The following PCDH15 variants were observed in gnomAD, a reference collection of about 807,000 sequenced individuals.
The protein encoded by PCDH15 is protocadherin related 15.
A neutral mutation model predicts 178.5 loss-of-function variants in PCDH15; 129 were observed. The observed-to-expected ratio is 0.72, with a 90% CI of 0.63 to 0.84. The LOEUF is 0.84. Among genes scored for constraint, PCDH15 ranks in the 40% least tolerant of loss-of-function variants. PCDH15 has a pLI of 0.00. For missense variants in PCDH15, 2,230 were observed against 2,099.9 expected, an observed-to-expected ratio of 1.06 and a Z score of -1.21; for synonymous variants, 800 against 732.0, an observed-to-expected ratio of 1.09 and a Z score of -1.50.
intron 10 of PCDH15, among the ~76,000 whole-genome samples, chr10:54,212,961 C>T (rs2134097369): frequency 6.6e-6 from 1 of 152,216 alleles, no homozygotes; most frequent in East Asian, 1.9e-4. Context: ...AAAATTGCGG[C>T]AACAGTTCAA....
At chr10:54,204,108 T>C (rs1415731758) in intron 10 of PCDH15, among the ~76,000 whole-genome samples, 1 of 152,196 alleles carries the variant, frequency 6.6e-6, no homozygotes, top group African/African-American at 2.4e-5. Context: ...CATTTGGACA[T>C]GTTTGTCTTG....
chr10:54,400,482 T>C (rs1951793339), intron 3 of PCDH15, among the ~76,000 whole-genome samples: 1 of 152,148 alleles, frequency 6.6e-6, no homozygotes, highest in Admixed American at 6.6e-5. Flanking sequence ...GTTTCCATCA[T>C]GATACTATGT....
At chr10:55,180,375 A>C (rs1839610647) in intron 1 of PCDH15, among the ~76,000 whole-genome samples, 1 of 152,122 alleles carries the variant, frequency 6.6e-6, no homozygotes, top group African/African-American at 2.4e-5. Flanking sequence ...GGAAAGTTTT[A>C]ATTTTATTGC....
At chr10:55,342,041 C>CA (rs1259163602) in intron 2 of PCDH15, among the ~76,000 whole-genome samples, 46 of 150,202 alleles carry the variant, frequency 3.1e-4, no homozygotes, top group African/African-American at 1.0e-3. Flanking sequence ...TCAGCCAGGT[C>CA]AAAAAATTAA....
chr10:54,673,492 G>A (rs1282146029), intron 1 of PCDH15, among the ~76,000 whole-genome samples: 1 of 152,154 alleles, frequency 6.6e-6, no homozygotes, highest in Non-Finnish European at 1.5e-5. Context: ...AGGCTGGAGT[G>A]CAATGGCATG....
chr10:54,616,363 G>C (rs1292355129), intron 2 of PCDH15, among the ~76,000 whole-genome samples: 1 of 152,062 alleles, frequency 6.6e-6, no homozygotes, highest in Admixed American at 6.6e-5. Flanking sequence ...TTCCTAATCA[G>C]ATGAGGAACT....
chr10:55,202,877 A>G (rs1342547824), intron 1 of PCDH15, among the ~76,000 whole-genome samples: 3 of 152,084 alleles, frequency 2.0e-5, no homozygotes, highest in African/African-American at 7.3e-5. Context: ...TTCCACTTCC[A>G]CCATAATTGT....
intron 8 of PCDH15, among the ~76,000 whole-genome samples, chr10:54,243,812 T>C (rs899298069): frequency 2.6e-5 from 4 of 152,224 alleles, no homozygotes; most frequent in African/African-American, 9.6e-5. Flanking sequence ...ATGTTTTTCC[T>C]GGTGAGATTA....
intron 20 of PCDH15, among the ~76,000 whole-genome samples, chr10:54,002,981 C>T (rs1295198799): frequency 6.6e-6 from 1 of 152,132 alleles, no homozygotes; most frequent in Non-Finnish European, 1.5e-5. Context: ...CTCTCCTGGT[C>T]TGTGGACTCT....
At chr10:55,158,251 C>T (rs1242021001) in intron 2 of PCDH15, among the ~76,000 whole-genome samples, 1 of 151,862 alleles carries the variant, frequency 6.6e-6, no homozygotes, top group Non-Finnish European at 1.5e-5. Context: ...ATGTTATATG[C>T]AGCTAGTGGT....
intron 15 of PCDH15, among the ~76,000 whole-genome samples, chr10:54,129,156 T>C (rs1301230483): frequency 6.6e-6 from 1 of 152,186 alleles, no homozygotes; most frequent in Non-Finnish European, 1.5e-5. Context: ...GTCAGGTTAA[T>C]GACCAAGTGA....
At chr10:54,773,139 G>A (rs1468497253) in intron 1 of PCDH15, among the ~76,000 whole-genome samples, 2 of 152,070 alleles carry the variant, frequency 1.3e-5, no homozygotes, top group Non-Finnish European at 2.9e-5. Context: ...AATAGCTAAT[G>A]GATGCTAGGC....
intron 1 of PCDH15, among the ~76,000 whole-genome samples, chr10:54,799,136 T>C (rs184601270): frequency 2.0e-5 from 3 of 152,130 alleles, no homozygotes; most frequent in African/African-American, 7.2e-5. Context: ...ATAATTATAG[T>C]GATTTCCTTT....
intron 8 of PCDH15, among the ~76,000 whole-genome samples, chr10:54,276,315 C>T (rs967910896): frequency 5.9e-5 from 9 of 151,506 alleles, no homozygotes; most frequent in African/African-American, 1.9e-4. Context: ...ACACACAACC[C>T]TATAGAAAAA....
chr10:55,168,044 T>C (rs1474610433), intron 1 of PCDH15, among the ~76,000 whole-genome samples: 4 of 152,184 alleles, frequency 2.6e-5, no homozygotes, highest in Non-Finnish European at 5.9e-5. Context: ...TTAATGTATA[T>C]CTATCTTAAA....
At chr10:54,332,297 C>CTATATT (rs1564989104) in intron 6 of PCDH15, among the ~76,000 whole-genome samples, 1 of 42,520 alleles carries the variant, frequency 2.4e-5, no homozygotes, top group African/African-American at 8.9e-5. Context: ...ATCTATATTA[C>CTATATT]ATATTATTAT....
chr10:53,981,792 T>C (rs1387170235), intron 21 of PCDH15, among the ~76,000 whole-genome samples: 2 of 151,434 alleles, frequency 1.3e-5, no homozygotes, highest in Admixed American at 6.6e-5. Flanking sequence ...CCAAAAGCAA[T>C]GGCAACAAAA....
At position 54,361,501 on chromosome 10, in the gene PCDH15, T is replaced by C. The variant is rs16906020; in HGVS notation, c.474+7619A>G. On this transcript the variant is annotated intron_variant, in intron 5 of 37. Transcript: ENST00000644397. ...CAGCACCATAGGTCTCATGTTACAT[T>C]CTCTGTATCCTTTAACCTTTAATAA... Among the ~76,000 whole-genome samples the C allele has an allele frequency of 7.5e-3, 1,142 of 152,144 alleles. 14 individuals carry two copies. The highest frequency in any genetic ancestry group is 0.026 in the African/African-American group (1,082 of 41,538).
intron 2 of PCDH15, among the ~76,000 whole-genome samples, chr10:54,915,395 A>G (rs1182080956): frequency 6.6e-6 from 1 of 152,236 alleles, no homozygotes; most frequent in Non-Finnish European, 1.5e-5. Flanking sequence ...TTTGGAATAT[A>G]GGAGTCCATG....
Sources: allele counts gnomAD v4.1 joint callset (sites outside exome capture counted in the v4.1 genomes callset), GRCh38; gene constraint gnomAD v4.1.1; transcripts MANE v1.5; gene names NCBI Gene and HGNC (gene_info 2026-07-23, HGNC 2026-07-21).